QRSL1: variants seen among roughly 807,000 people sequenced by gnomAD.
QRSL1 encodes glutamyl-tRNA(Gln) amidotransferase subunit A, mitochondrial.
Under a neutral mutation model 61.6 loss-of-function variants are expected in QRSL1, and 54 were observed. The observed-to-expected ratio is 0.88, with a 90% CI of 0.70 to 1.10. The LOEUF (loss-of-function observed/expected upper bound fraction) is 1.10. Ranked by LOEUF, QRSL1 falls within the 50% of genes least tolerant of loss-of-function variation. The probability of loss-of-function intolerance (pLI) is 0.00; values close to 1 mark genes in which losing one functional copy is unlikely to be tolerated. For missense variants in QRSL1, 505 were observed against 622.6 expected (o/e 0.81, Z 2.01); for synonymous variants, 228 against 225.7 (o/e 1.01, Z -0.09).
chr6:106,643,606 G>T (rs545998717), intron 4 of QRSL1, among the ~76,000 whole-genome samples: 1 of 151,916 alleles, frequency 6.6e-6, no homozygotes, highest in East Asian at 2.0e-4. Flanking sequence ...CTTGAACCCG[G>T]GAGGCGGAGG....
intron 4 of QRSL1, among the ~76,000 whole-genome samples, chr6:106,643,931 G>T (rs1326465004): frequency 6.6e-6 from 1 of 150,888 alleles, no homozygotes; most frequent in Non-Finnish European, 1.5e-5. Flanking sequence ...GAATGCAATG[G>T]TGCGATCTCG....
chr6:106,629,849 AT>A lies in QRSL1; in HGVS notation c.24+146del, dbSNP rs1776778807. 26 of 993,722 alleles carry A rather than the reference AT, an allele frequency of 2.6e-5. No individual in the cohort carries two copies. The South Asian group carries it at 3.9e-4, about 15-fold the overall frequency. 61.6% of individuals were successfully genotyped at this position (993,722 alleles called of 1,614,324 possible). On this transcript the variant is annotated intron_variant, in intron 1 of 10. Transcript: ENST00000369046. ...CTGAGTGGGGGATAAGTACCTTTCG[AT>A]TCTTCGGGTGTACTCGCCGTACCCA...
At chr6:106,658,956 C>CTT (rs111877084) in intron 9 of QRSL1, among the ~76,000 whole-genome samples, 1 of 151,490 alleles carries the variant, frequency 6.6e-6, no homozygotes, top group Non-Finnish European at 1.5e-5. Context: ...ACACTACATT[C>CTT]TTTTTTTTTC....
At chr6:106,630,206 G>A (rs1231639411) in intron 1 of QRSL1, among the ~76,000 whole-genome samples, 1 of 152,182 alleles carries the variant, frequency 6.6e-6, no homozygotes, top group Non-Finnish European at 1.5e-5. Flanking sequence ...TGTCCTGGAC[G>A]TCGTGTTTGA....
At chr6:106,655,514 CAAAAA>C (rs35970346) in intron 8 of QRSL1, 96 bp from the exon 9 acceptor site, 117 of 425,824 alleles carry the variant, frequency 2.7e-4, no homozygotes, top group Middle Eastern at 7.9e-4. Context: ...GACTCCATCT[CAAAAA>C]AAAAAAAAAA....
At chr6:106,659,262 C>T (rs1488782018) in intron 9 of QRSL1, among the ~76,000 whole-genome samples, 1 of 151,914 alleles carries the variant, frequency 6.6e-6, no homozygotes, top group Admixed American at 6.6e-5. Context: ...GTCAGGAGTT[C>T]GAGACCAGCC....
rs572306794 is a variant in QRSL1, at chr6:106,661,686, CTTTTTTTTTTTTTTTTTTTT to C, written c.1161-1278_1161-1259del. Among the ~76,000 whole-genome samples, 16 of 55,092 alleles carry C rather than the reference CTTTTTTTTTTTTTTTTTTTT, an allele frequency of 2.9e-4. No homozygotes were observed. In the East Asian group the frequency reaches 3.9e-3, roughly 13 times the overall value. The allele number at this position is 55,092 out of a possible 152,430, so 36.1% of individuals were successfully genotyped here. A position where few individuals can be genotyped will look rare whatever the true frequency, so the allele number is the denominator to read the frequency against. On this transcript the variant is annotated intron_variant, in intron 9 of 10. Coordinates refer to ENST00000369046, the MANE Select transcript of QRSL1 (RefSeq NM_018292.5). ...CTGTTGTGGAAAAGAATGGTTAGTT[CTTTTTTTTTTTTTTTTTTTT>C]TTTTTTTTTTTTTTTGAGACGGAGT...
chr6:106,642,771 T>C, intron 3 of QRSL1: 1 of 739,966 alleles, frequency 1.4e-6, no homozygotes, highest in South Asian at 1.5e-5. Context: ...CTGAAACGCA[T>C]TGAGGAAAAT....
chr6:106,665,169 A>G (rs1444878927), intron 10 of QRSL1, among the ~76,000 whole-genome samples: 1 of 152,188 alleles, frequency 6.6e-6, no homozygotes, highest in African/African-American at 2.4e-5. Context: ...GTTTTATTGT[A>G]TAACAAGATG....
At chr6:106,655,834 CTT>C in intron 9 of QRSL1, 102 bp downstream of exon 9, 3 of 753,358 alleles carry the variant, frequency 4.0e-6, no homozygotes, top group Non-Finnish European at 2.2e-6. Context: ...GAAACAAAAT[CTT>C]TATGATTTGA....
At chr6:106,644,423 G>T (rs1271251433) in intron 4 of QRSL1, among the ~76,000 whole-genome samples, 5 of 152,108 alleles carry the variant, frequency 3.3e-5, no homozygotes, top group Non-Finnish European at 7.4e-5. Context: ...CTTCCGAGCA[G>T]CTGGGACTGC....
At chr6:106,660,637 C>G (rs1031318676) in intron 9 of QRSL1, among the ~76,000 whole-genome samples, 2 of 151,094 alleles carry the variant, frequency 1.3e-5, no homozygotes, top group Admixed American at 1.3e-4. Flanking sequence ...TTCTGAGAAG[C>G]AGTCTTAGTT....
chr6:106,665,227 C>T (rs1048070483), intron 10 of QRSL1, among the ~76,000 whole-genome samples: 1 of 152,128 alleles, frequency 6.6e-6, no homozygotes, highest in Admixed American at 6.5e-5. Flanking sequence ...TTAAAACTAC[C>T]CTGAGCTAAT....
At chr6:106,656,318 T>C (rs1309169118) in intron 9 of QRSL1, among the ~76,000 whole-genome samples, 2 of 152,238 alleles carry the variant, frequency 1.3e-5, no homozygotes, top group African/African-American at 2.4e-5. Flanking sequence ...TATTACCACA[T>C]TGGTTTATTG....
At chr6:106,639,116 G>GTT (rs1554200732) in intron 1 of QRSL1, among the ~76,000 whole-genome samples, 735 of 54,258 alleles carry the variant, frequency 0.014, 3 homozygotes, top group East Asian at 0.033. Flanking sequence ...TGTGTGTTTT[G>GTT]TTGTTTTTTT....
chr6:106,653,236 G>A (rs950475374), intron 7 of QRSL1: 1 of 154,216 alleles, frequency 6.5e-6, no homozygotes, highest in African/African-American at 2.4e-5. Context: ...AATCTTTTAG[G>A]AAGATAAGTT....
intron 1 of QRSL1, among the ~76,000 whole-genome samples, chr6:106,638,740 C>T (rs181370537): frequency 2.7e-4 from 41 of 152,308 alleles, no homozygotes; most frequent in African/African-American, 8.9e-4. Flanking sequence ...AGTCCTTTTC[C>T]TCTTGTCGGT....
At chr6:106,640,141 C>T in intron 1 of QRSL1, 1 of 443,580 alleles carries the variant, frequency 2.3e-6, no homozygotes, top group Non-Finnish European at 4.0e-6. Flanking sequence ...AGAAGAATGT[C>T]ATGTCCTCCA....
intron 1 of QRSL1, among the ~76,000 whole-genome samples, chr6:106,639,130 T>TG (rs1776973456): frequency 1.4e-5 from 2 of 139,996 alleles, no homozygotes; most frequent in African/African-American, 5.5e-5. Flanking sequence ...TTTTTTTTTT[T>TG]TTTTTTTTTT....
Sources: gnomAD v4.1 joint callset for allele counts (sites outside exome capture counted in the v4.1 genomes callset) on GRCh38, gnomAD v4.1.1 for gene constraint, MANE v1.5 for transcripts, NCBI Gene and HGNC (gene_info 2026-07-23, HGNC 2026-07-21) for gene names.